The following GRIN2B variants were observed in gnomAD, a reference collection of about 807,000 sequenced individuals.
The protein encoded by GRIN2B is glutamate ionotropic receptor NMDA type subunit 2B, also known as glutamate receptor ionotropic, NMDA 2B.
A neutral mutation model predicts 114.5 loss-of-function variants in GRIN2B; 5 were observed. That is an observed-to-expected ratio of 0.04 (90% CI 0.02 to 0.09). The LOEUF (loss-of-function observed/expected upper bound fraction) is 0.09, where lower values mean the gene tolerates loss of function less well. Among genes scored for constraint, GRIN2B ranks in the 10% least tolerant of loss-of-function variants. GRIN2B has a pLI of 1.00. For synonymous variants in GRIN2B, 787 were observed against 745.1 expected, an observed-to-expected ratio of 1.06 and a Z score of -0.92; for missense variants, 1,108 against 1,943.5, an observed-to-expected ratio of 0.57 and a Z score of 8.08.
At chr12:13,828,588 C>G (rs1865094576) in intron 3 of GRIN2B, among the ~76,000 whole-genome samples, 1 of 152,164 alleles carries the variant, frequency 6.6e-6, no homozygotes, top group Non-Finnish European at 1.5e-5. Context: ...CTGGGTTACT[C>G]CTCATTGAAC....
chr12:13,950,654 C>T (rs1321720594), intron 2 of GRIN2B, among the ~76,000 whole-genome samples: 3 of 152,060 alleles, frequency 2.0e-5, no homozygotes, highest in Non-Finnish European at 4.4e-5. Flanking sequence ...AAGAAATAAA[C>T]AAAAGGAGTG....
In GRIN2B at chr12:13,742,622, A is replaced by T. The variant is rs143670858; in HGVS notation, c.1010+10695T>A. 4.5e-3 allele frequency among the ~76,000 whole-genome samples: 678 copies of T among 152,042 alleles called. 3 individuals carry two copies. Among genetic ancestry groups the T allele is most frequent in the African/African-American group, 0.016 (647 of 41,464 alleles). On this transcript the variant is annotated intron_variant, in intron 4 of 13. Transcript: ENST00000609686. ...ATTTTTGTATTTTTAGTAGAGATGG[A>T]GTTTCACCATGTTGGCCAGGCTGGT...
chr12:13,693,714 T>C (rs1937172392), intron 4 of GRIN2B, among the ~76,000 whole-genome samples: 1 of 152,166 alleles, frequency 6.6e-6, no homozygotes, highest in Non-Finnish European at 1.5e-5. Context: ...TAGACAGGCA[T>C]GGAAACCATC....
At position 13,556,375 on chromosome 12, in the gene GRIN2B, G is replaced by A. The variant is rs1024075719; in HGVS notation, c.*6408C>T. Reference sequence around the variant, plus strand: ...ATACTTATGCTTTCATATATTCTACGTGAGTACAATATACTCCATTTTGAA... The same window carrying A: ...ATACTTATGCTTTCATATATTCTACATGAGTACAATATACTCCATTTTGAA... On this transcript the variant is annotated 3_prime_UTR_variant, in exon 14 of 14. Transcript: ENST00000609686. 2 of 151,850 alleles carry A rather than the reference G, an allele frequency of 1.3e-5. No individual in the cohort carries two copies. The highest frequency in any genetic ancestry group is 2.9e-5 in the Non-Finnish European group (2 of 67,982). 9.4% of individuals were successfully genotyped at this position (151,850 alleles called of 1,614,324 possible).
intron 3 of GRIN2B, among the ~76,000 whole-genome samples, chr12:13,802,353 A>G (rs758835760): frequency 1.2e-4 from 19 of 152,112 alleles, no homozygotes; most frequent in Non-Finnish European, 2.8e-4. Flanking sequence ...ATTCTCATAC[A>G]CTATTGATCA....
chr12:13,740,013 C>G (rs983367154), intron 4 of GRIN2B, among the ~76,000 whole-genome samples: 2 of 152,102 alleles, frequency 1.3e-5, no homozygotes, highest in Non-Finnish European at 2.9e-5. Flanking sequence ...TTTGAGTTTG[C>G]AGGTGGCCAA....
intron 3 of GRIN2B, among the ~76,000 whole-genome samples, chr12:13,778,386 T>C (rs1159460157): frequency 6.6e-6 from 1 of 152,164 alleles, no homozygotes; most frequent in African/African-American, 2.4e-5. Context: ...GCAAATCATA[T>C]AAAATTAGAG....
At chr12:13,852,295 G>C (rs764156297) in intron 3 of GRIN2B, among the ~76,000 whole-genome samples, 2 of 152,162 alleles carry the variant, frequency 1.3e-5, no homozygotes, top group Non-Finnish European at 2.9e-5. Context: ...ATGATATTCA[G>C]CTGCAACTAG....
Position 13,878,104 on chromosome 12 carries a change from G to A in GRIN2B, c.-18-11878C>T, listed in dbSNP as rs150609952. On this transcript the variant is annotated intron_variant, in intron 2 of 13. Coordinates refer to ENST00000609686, the MANE Select transcript of GRIN2B (RefSeq NM_000834.5). ...AAAAAAAAAATCTACTGTCTACTCC[G>A]CTCTGCGCTAAGCCCTGGGAAGCAG... 5.1e-4 allele frequency among the ~76,000 whole-genome samples: 76 copies of A among 148,524 alleles called. No individual in the cohort carries two copies. The South Asian group carries it at 8.8e-3, about 17-fold the overall frequency.
chr12:13,961,731 T>C (rs1282169062), intron 2 of GRIN2B, among the ~76,000 whole-genome samples: 2 of 152,088 alleles, frequency 1.3e-5, no homozygotes, highest in Non-Finnish European at 2.9e-5. Context: ...TTGAGAGCAT[T>C]TATTTAATCA....
At chr12:13,654,417 G>A (rs1356003291) in intron 5 of GRIN2B, among the ~76,000 whole-genome samples, 1 of 152,172 alleles carries the variant, frequency 6.6e-6, no homozygotes, top group African/African-American at 2.4e-5. Flanking sequence ...TTGCTTGTTT[G>A]TATATGAAAA....
intron 2 of GRIN2B, among the ~76,000 whole-genome samples, chr12:13,962,686 G>A (rs1005956881): frequency 6.6e-6 from 1 of 152,200 alleles, no homozygotes; most frequent in Non-Finnish European, 1.5e-5. Flanking sequence ...CACAGTGACC[G>A]TAACACCCAA....
chr12:13,814,061 A>G lies in GRIN2B; in HGVS notation c.411+51737T>C, dbSNP rs1375384993. Among the ~76,000 whole-genome samples, 5 of 152,226 alleles carry G rather than the reference A, an allele frequency of 3.3e-5. No individual in the cohort carries two copies. In the East Asian group the frequency reaches 9.6e-4, roughly 29 times the overall value. On this transcript the variant is annotated intron_variant, in intron 3 of 13. Coordinates refer to ENST00000609686, the MANE Select transcript of GRIN2B (RefSeq NM_000834.5). ...CCCAAAACTGATTCCTCTTGGGGGA[A>G]ATAGGAAAGTTACCATAGACAAAAA...
intron 3 of GRIN2B, among the ~76,000 whole-genome samples, chr12:13,792,275 G>A (rs1382407096): frequency 2.6e-5 from 4 of 152,194 alleles, no homozygotes; most frequent in Non-Finnish European, 5.9e-5. Context: ...AAACAGAGGA[G>A]CTCCCTAGAG....
At chr12:13,860,853 C>A (rs969833721) in intron 3 of GRIN2B, among the ~76,000 whole-genome samples, 1 of 152,114 alleles carries the variant, frequency 6.6e-6, no homozygotes, top group African/African-American at 2.4e-5. Flanking sequence ...CTTTTGCCTG[C>A]TCCTACTGTA....
chr12:13,646,051 C>T (rs1949758834), intron 5 of GRIN2B, among the ~76,000 whole-genome samples: 1 of 152,072 alleles, frequency 6.6e-6, no homozygotes, highest in Non-Finnish European at 1.5e-5. Context: ...TTCTTAACTC[C>T]CCAGACAGTG....
intron 10 of GRIN2B, among the ~76,000 whole-genome samples, chr12:13,605,658 CAT>C (rs1431221873): frequency 1.3e-5 from 2 of 151,750 alleles, no homozygotes; most frequent in Non-Finnish European, 2.9e-5. Context: ...GGAGGACAGA[CAT>C]GTGCATATCC....
chr12:13,794,083 G>A (rs557524376), intron 3 of GRIN2B, among the ~76,000 whole-genome samples: 11 of 145,064 alleles, frequency 7.6e-5, no homozygotes, highest in South Asian at 2.2e-4. Context: ...TCCAGGTGTC[G>A]TAACATGTGC....
chr12:13,704,884 C>T (rs1950345397), intron 4 of GRIN2B, among the ~76,000 whole-genome samples: 1 of 152,052 alleles, frequency 6.6e-6, no homozygotes, highest in African/African-American at 2.4e-5. Flanking sequence ...ACTTTTATTC[C>T]TCATTTTTTA....
Sources: gnomAD v4.1 joint callset for allele counts (sites outside exome capture counted in the v4.1 genomes callset) on GRCh38, gnomAD v4.1.1 for gene constraint, MANE v1.5 for transcripts, NCBI Gene and HGNC (gene_info 2026-07-23, HGNC 2026-07-21) for gene names.